Variants in GLI2 observed in about 807,000 individuals in gnomAD.
The protein encoded by GLI2 is transcription activator GLI2.
Under a neutral mutation model 78.9 loss-of-function variants are expected in GLI2, and 22 were observed. That is an observed-to-expected ratio of 0.28 (90% CI 0.20 to 0.40). GLI2 has a LOEUF of 0.40. Among genes scored for constraint, GLI2 ranks in the 10% least tolerant of loss-of-function variants. The probability of loss-of-function intolerance (pLI) is 1.00; values close to 1 mark genes in which losing one functional copy is unlikely to be tolerated. For missense variants in GLI2, 2,097 were observed against 2,213.2 expected, an observed-to-expected ratio of 0.95 and a Z score of 1.05; for synonymous variants, 974 against 963.7, an observed-to-expected ratio of 1.01 and a Z score of -0.20.
At position 120,766,347 on chromosome 2, in the gene GLI2, G is replaced by A. The variant is rs1476347290; in HGVS notation, c.-31+30062G>A. 7.2e-5 allele frequency among the ~76,000 whole-genome samples: 11 copies of A among 152,194 alleles called. No individual in the cohort carries two copies. In the South Asian group the frequency reaches 1.9e-3, roughly 26 times the overall value. ...CCCATAATGTGCCCATCCACTGGAC[G>A]GAGAGGGCCTCACGCCCCTGGGGCT... On this transcript the variant is annotated intron_variant, in intron 1 of 13. Transcript: ENST00000361492.
chr2:120,773,598 C>T (rs559106348), intron 1 of GLI2, among the ~76,000 whole-genome samples: 4 of 152,306 alleles, frequency 2.6e-5, no homozygotes, highest in African/African-American at 9.6e-5. Context: ...AGGCCCTGCG[C>T]GTCTGTTGCG....
intron 2 of GLI2, among the ~76,000 whole-genome samples, chr2:120,907,504 C>T (rs1404013670): frequency 2.0e-5 from 3 of 152,154 alleles, no homozygotes; most frequent in East Asian, 1.9e-4. Flanking sequence ...ATGGGGAGTG[C>T]GTTTTCTGTA....
chr2:120,887,681 C>T (rs749021467), intron 2 of GLI2, among the ~76,000 whole-genome samples: 1 of 152,208 alleles, frequency 6.6e-6, no homozygotes, highest in African/African-American at 2.4e-5. Context: ...TATCCCGGAG[C>T]GGGGTGCTGT....
chr2:120,736,573 A>C (rs1682361233), intron 1 of GLI2, among the ~76,000 whole-genome samples: 1 of 146,942 alleles, frequency 6.8e-6, no homozygotes, highest in Non-Finnish European at 1.5e-5. Context: ...GGGGGAGAGC[A>C]CCACTCTTCT....
chr2:120,926,742 G>A (rs897674804), intron 2 of GLI2, among the ~76,000 whole-genome samples: 3 of 152,210 alleles, frequency 2.0e-5, no homozygotes, highest in Admixed American at 6.5e-5. Flanking sequence ...TGGCGTTTTC[G>A]ATCCTGGGGG....
At chr2:120,803,180 G>A (rs879554688) in intron 2 of GLI2, among the ~76,000 whole-genome samples, 1 of 152,238 alleles carries the variant, frequency 6.6e-6, no homozygotes, top group African/African-American at 2.4e-5. Context: ...TCTTAGTGCA[G>A]GCAGTGCTAA....
chr2:120,861,747 C>T (rs1433601371), intron 2 of GLI2, among the ~76,000 whole-genome samples: 1 of 152,198 alleles, frequency 6.6e-6, no homozygotes, highest in African/African-American at 2.4e-5. Flanking sequence ...CCTGCCGGTC[C>T]TGAGGCTGTC....
At chr2:120,887,056 G>C (rs181415233) in intron 2 of GLI2, among the ~76,000 whole-genome samples, 3 of 152,346 alleles carry the variant, frequency 2.0e-5, no homozygotes, top group South Asian at 2.1e-4. Flanking sequence ...GTAGGTGCCA[G>C]TGACACTGTG....
At chr2:120,767,352 C>G (rs1261697588) in intron 1 of GLI2, among the ~76,000 whole-genome samples, 4 of 139,970 alleles carry the variant, frequency 2.9e-5, no homozygotes, top group Non-Finnish European at 4.7e-5. Flanking sequence ...TGGCCGGAGT[C>G]TGGCGCTGGG....
At chr2:120,964,394 A>G (rs555445411) in intron 5 of GLI2, among the ~76,000 whole-genome samples, 1 of 152,354 alleles carries the variant, frequency 6.6e-6, no homozygotes, top group East Asian at 1.9e-4. Context: ...GGGCAGGGAC[A>G]TGATCTTATT....
At chr2:120,864,671 T>A (rs879372231) in intron 2 of GLI2, among the ~76,000 whole-genome samples, 6 of 152,140 alleles carry the variant, frequency 3.9e-5, no homozygotes, top group Non-Finnish European at 8.8e-5. Flanking sequence ...ATGGTCTCGA[T>A]CTCTTGACCT....
At chr2:120,971,217 C>G (rs995598120) in intron 7 of GLI2, among the ~76,000 whole-genome samples, 6 of 152,206 alleles carry the variant, frequency 3.9e-5, no homozygotes, top group Non-Finnish European at 7.4e-5. Context: ...AGTGGGATTC[C>G]TGATGCCTAG....
intron 3 of GLI2, among the ~76,000 whole-genome samples, chr2:120,929,948 G>A (rs1679870919): frequency 6.6e-6 from 1 of 152,210 alleles, no homozygotes; most frequent in South Asian, 2.1e-4. Flanking sequence ...GGAGCATCCA[G>A]GGAGCTCAGT....
intron 1 of GLI2, among the ~76,000 whole-genome samples, chr2:120,796,314 A>G (rs1285508999): frequency 1.3e-5 from 2 of 152,036 alleles, no homozygotes; most frequent in Non-Finnish European, 2.9e-5. Flanking sequence ...CACCTGCTTA[A>G]CCCAAACCAC....
intron 1 of GLI2, among the ~76,000 whole-genome samples, chr2:120,770,521 G>A (rs1573361212): frequency 6.6e-6 from 1 of 152,220 alleles, no homozygotes; most frequent in East Asian, 1.9e-4. Flanking sequence ...CACCAGGGAA[G>A]GTGCTCTGTA....
rs933724614 is a variant in GLI2 at position 120,990,678 on chromosome 2, G to T, written c.*3G>T. 1 of 1,610,276 alleles carries T rather than the reference G, an allele frequency of 6.2e-7. No homozygotes were observed. The highest frequency in any genetic ancestry group is 8.5e-7 in the Non-Finnish European group (1 of 1,178,622). ...AGTTCCTGAACATGATGACCTAGAGGCCCGAGCGCCTGGTGCTGAGTGCAC... is the reference window on the plus strand; with the variant it reads ...AGTTCCTGAACATGATGACCTAGAGTCCCGAGCGCCTGGTGCTGAGTGCAC... On this transcript the variant is annotated 3_prime_UTR_variant, in exon 14 of 14. Transcript: ENST00000361492.
rs779456157 is a variant in GLI2, at chr2:120,939,371, G to A, written c.255-11872G>A. ...ATCCCCTGCTCACTCTAAGGACTGAGGACATGCCAGCACCTTTGAGGTCCC... is the reference window on the plus strand; with the variant it reads ...ATCCCCTGCTCACTCTAAGGACTGAAGACATGCCAGCACCTTTGAGGTCCC... On this transcript the variant is annotated intron_variant, in intron 3 of 13. Coordinates refer to ENST00000361492, the MANE Select transcript of GLI2 (RefSeq NM_001374353.1). Among the ~76,000 whole-genome samples, 9 of 152,104 alleles carry A rather than the reference G, an allele frequency of 5.9e-5. 1 individual carries two copies. Among genetic ancestry groups the A allele is most frequent in the South Asian group, 4.1e-4 (2 of 4,828 alleles).
chr2:120,798,643 G>A (rs866083960), intron 2 of GLI2, among the ~76,000 whole-genome samples: 14 of 152,312 alleles, frequency 9.2e-5, no homozygotes, highest in East Asian at 3.9e-4. Context: ...TGAGCTGGAC[G>A]ATGCCTCTCC....
intron 1 of GLI2, among the ~76,000 whole-genome samples, chr2:120,763,310 TTGAA>T (rs1158956500): frequency 2.0e-5 from 3 of 152,162 alleles, no homozygotes; most frequent in Non-Finnish European, 4.4e-5. Context: ...GAATAAACGA[TTGAA>T]TGAATGAATG....
Sources: gnomAD v4.1 joint callset for allele counts (sites outside exome capture counted in the v4.1 genomes callset) on GRCh38, gnomAD v4.1.1 for gene constraint, MANE v1.5 for transcripts, NCBI Gene and HGNC (gene_info 2026-07-23, HGNC 2026-07-21) for gene names.